ADAMTS14: variants seen among roughly 807,000 people sequenced by gnomAD.
ADAMTS14 encodes the protein A disintegrin and metalloproteinase with thrombospondin motifs 14.
In ADAMTS14, 100 loss-of-function variants were observed where a neutral mutation model predicts 128.6. That is an observed-to-expected ratio of 0.78 (90% CI 0.66 to 0.92). ADAMTS14 has a LOEUF of 0.92. ADAMTS14 is among the 40% of genes least tolerant of loss of function. The pLI, the probability that ADAMTS14 is intolerant of heterozygous loss-of-function variation, is 0.00. For synonymous variants in ADAMTS14, 665 were observed against 653.8 expected, an observed-to-expected ratio of 1.02 and a Z score of -0.26; for missense variants, 1,562 against 1,658.6, an observed-to-expected ratio of 0.94 and a Z score of 1.01.
At chr10:70,701,389 G>A (rs1840487828) in intron 2 of ADAMTS14, among the ~76,000 whole-genome samples, 2 of 152,258 alleles carry the variant, frequency 1.3e-5, no homozygotes, top group South Asian at 4.1e-4. Flanking sequence ...AACGAGTGAA[G>A]GAATTCAACA....
intron 21 of ADAMTS14, among the ~76,000 whole-genome samples, chr10:70,759,128 C>G (rs1208357746): frequency 6.1e-5 from 2 of 32,900 alleles, no homozygotes; most frequent in Non-Finnish European, 1.5e-4. Context: ...CTCCAATCTT[C>G]TACTTCTCTG....
intron 2 of ADAMTS14, among the ~76,000 whole-genome samples, chr10:70,701,203 C>T (rs769575445): frequency 7.2e-5 from 11 of 152,170 alleles, no homozygotes; most frequent in South Asian, 2.1e-4. Flanking sequence ...GATGCAGCCT[C>T]AGAACAGAAG....
chr10:70,739,099 G>T (rs963473879), intron 11 of ADAMTS14, 109 bp downstream of exon 11: 11 of 1,366,596 alleles, frequency 8.0e-6, no homozygotes, highest in South Asian at 1.5e-5. Flanking sequence ...GGCCCCTGTG[G>T]GTGGTTGTGT....
intron 12 of ADAMTS14, 98 bp from the exon 13 acceptor site, chr10:70,743,450 C>T: frequency 7.0e-7 from 1 of 1,429,482 alleles, no homozygotes; most frequent in Admixed American, 2.6e-5. Flanking sequence ...CTGTCCAGAG[C>T]TGGCCCCGGA....
chr10:70,729,678 T>C (rs1289143564), intron 5 of ADAMTS14, among the ~76,000 whole-genome samples: 2 of 152,152 alleles, frequency 1.3e-5, no homozygotes, highest in Non-Finnish European at 2.9e-5. Flanking sequence ...CATGTTATGG[T>C]TGAGCCCTGG....
At position 70,738,993 on chromosome 10, in the gene ADAMTS14, G is replaced by T; in HGVS notation, c.1748+3G>T. 2 of 1,602,920 alleles carry T rather than the reference G, an allele frequency of 1.2e-6. No individual in the cohort carries two copies. Among genetic ancestry groups the T allele is most frequent in the South Asian group, 2.2e-5 (2 of 89,456 alleles). On this transcript the variant is annotated splice_donor_region_variant and intron_variant, in intron 11 of 21. Transcript: ENST00000373207. ...AGCCGGAGCTGCAACAACCCCTCGT[G>T]AGTGTGCTTGGCTAGGGTGGGGAGG...
chr10:70,726,444 C>A (rs71477510), intron 4 of ADAMTS14, among the ~76,000 whole-genome samples: 23,467 of 152,260 alleles, frequency 0.15, 2,185 homozygotes, highest in Non-Finnish European at 0.22. Flanking sequence ...AGCAGATGCC[C>A]CCGCTGAATG....
chr10:70,717,815 G>A (rs1841106502), intron 4 of ADAMTS14, among the ~76,000 whole-genome samples: 2 of 152,128 alleles, frequency 1.3e-5, no homozygotes, highest in South Asian at 4.1e-4. Context: ...TAGGTGCCTG[G>A]TCCACCTCCA....
intron 4 of ADAMTS14, among the ~76,000 whole-genome samples, chr10:70,709,393 A>G: frequency 6.6e-6 from 1 of 151,772 alleles, no homozygotes; most frequent in East Asian, 1.9e-4. Context: ...GTCACAGAAA[A>G]GCTAGTTTTT....
At chr10:70,744,781 G>C (rs1842125349) in intron 14 of ADAMTS14, among the ~76,000 whole-genome samples, 1 of 152,164 alleles carries the variant, frequency 6.6e-6, no homozygotes, top group Non-Finnish European at 1.5e-5. Context: ...GTGGCTCTGA[G>C]AAAGTCCAGG....
intron 4 of ADAMTS14, among the ~76,000 whole-genome samples, chr10:70,726,387 G>C (rs888568831): frequency 2.6e-5 from 4 of 152,266 alleles, no homozygotes; most frequent in African/African-American, 9.6e-5. Flanking sequence ...AGAAAGACAC[G>C]TGGAGGAAGG....
intron 2 of ADAMTS14, among the ~76,000 whole-genome samples, chr10:70,688,686 C>A (rs1412330530): frequency 2.4e-4 from 27 of 113,200 alleles, no homozygotes; most frequent in South Asian, 1.3e-3. Flanking sequence ...GCCAACACAG[C>A]GAAACCCCGT....
In ADAMTS14 at chr10:70,745,478, C is replaced by A. The variant is rs1371510853; in HGVS notation, c.2263+172C>A. The A allele has an allele frequency of 9.5e-6, 7 of 739,452 alleles. No homozygotes were observed. The African/African-American group carries it at 1.2e-4, about 13-fold the overall frequency. The allele number at this position is 739,452 out of a possible 1,614,324, so 45.8% of individuals were successfully genotyped here. A position where few individuals can be genotyped will look rare whatever the true frequency, so the allele number is the denominator to read the frequency against. ...TTTTAAATTTATGCTGCATGGGTAA[C>A]CCATTCCATGGTTTACATTTCAGAA... is the stretch of plus-strand genomic sequence containing the variant. On this transcript the variant is annotated intron_variant, in intron 15 of 21. Transcript: ENST00000373207.
chr10:70,722,487 C>T (rs1165547550), intron 4 of ADAMTS14, among the ~76,000 whole-genome samples: 5 of 152,166 alleles, frequency 3.3e-5, no homozygotes, highest in Non-Finnish European at 7.3e-5. Context: ...CTCAGGCAAG[C>T]TTCCGTATAC....
In ADAMTS14 at chr10:70,735,295, C is replaced by T. The variant is rs1841790953; in HGVS notation, c.1479C>T (p.Cys493=). The change falls in exon 9 of 22, where the codon TGC becomes TGT. Residue 493 remains cysteine, a synonymous_variant. Coordinates refer to ENST00000373207, the MANE Select transcript of ADAMTS14 (RefSeq NM_080722.4). ...ACTTTGGCAGTGGCTACCAGACCTGCTTGGCAGTAAGTAGCCATCTGGCCT... is the reference window on the plus strand; with the variant it reads ...ACTTTGGCAGTGGCTACCAGACCTGTTTGGCAGTAAGTAGCCATCTGGCCT... The part of the protein sequence containing the change: ...RFDFGSGYQT[C]LAFRTFEPCK... 1 of 1,613,788 alleles carries T rather than the reference C, an allele frequency of 6.2e-7. No individual in the cohort carries two copies. The highest frequency in any genetic ancestry group is 8.5e-7 in the Non-Finnish European group (1 of 1,179,886).
chr10:70,687,110 T>C (rs1589262335), intron 2 of ADAMTS14, among the ~76,000 whole-genome samples: 1 of 106,596 alleles, frequency 9.4e-6, no homozygotes, highest in African/African-American at 3.3e-5. Flanking sequence ...GCAGAGGGGC[T>C]CCTCACTTCC....
intron 2 of ADAMTS14, among the ~76,000 whole-genome samples, chr10:70,680,788 T>G (rs991819963): frequency 1.3e-5 from 2 of 152,152 alleles, no homozygotes; most frequent in Non-Finnish European, 2.9e-5. Flanking sequence ...ACTACAGGCG[T>G]GCACCACCAT....
chr10:70,739,017 G>A (rs1458392490), intron 11 of ADAMTS14, 27 bp downstream of exon 11: 1 of 1,582,464 alleles, frequency 6.3e-7, no homozygotes, highest in Non-Finnish European at 8.6e-7. Context: ...AGGGTGGGGA[G>A]GGCAGGGAGT....
At chr10:70,709,085 G>A (rs559459415) in intron 4 of ADAMTS14, among the ~76,000 whole-genome samples, 2 of 152,332 alleles carry the variant, frequency 1.3e-5, no homozygotes, top group Admixed American at 1.3e-4. Flanking sequence ...AGTGGGTTCT[G>A]GGCTTGGACA....
Sources: gnomAD v4.1 joint callset for allele counts (sites outside exome capture counted in the v4.1 genomes callset) on GRCh38, gnomAD v4.1.1 for gene constraint, MANE v1.5 for transcripts, NCBI Gene and HGNC (gene_info 2026-07-23, HGNC 2026-07-21) for gene names.